The following NT5M variants were observed in gnomAD, a reference collection of about 807,000 sequenced individuals.
NT5M encodes the protein 5',3'-nucleotidase, mitochondrial, also known as 5'(3')-deoxyribonucleotidase, mitochondrial.
Under a neutral mutation model 22.2 loss-of-function variants are expected in NT5M, and 22 were observed. The observed-to-expected ratio is 0.99, with a 90% CI of 0.71 to 1.41. NT5M has a LOEUF of 1.41. NT5M is among the 40% of genes most tolerant of loss of function. NT5M has a pLI of 0.00. For synonymous variants in NT5M, 167 were observed against 133.0 expected, an observed-to-expected ratio of 1.26 and a Z score of -1.76; for missense variants, 322 against 314.8, an observed-to-expected ratio of 1.02 and a Z score of -0.17.
chr17:17,337,875 T>C (rs112643690), intron 3 of NT5M, among the ~76,000 whole-genome samples: 19 of 152,364 alleles, frequency 1.2e-4, no homozygotes, highest in African/African-American at 4.3e-4. Flanking sequence ...TTGTTGACTG[T>C]ATCCTTTGCT....
rs964826500 is a variant in NT5M, at chr17:17,338,831, G to A, written c.430-5963G>A. ...AAGCTCCACCTCCCAGGTTCACACC[G>A]TTCTCCTGCCTCAGCCTCCCAAGTA... On this transcript the variant is annotated intron_variant, in intron 3 of 4. Transcript: ENST00000389022. Among the ~76,000 whole-genome samples the A allele has an allele frequency of 2.3e-4, 34 of 148,054 alleles. No homozygotes were observed. The East Asian group carries it at 5.6e-3, about 25-fold the overall frequency.
chr17:17,320,797 G>A (rs2049135555), intron 2 of NT5M, among the ~76,000 whole-genome samples: 1 of 152,206 alleles, frequency 6.6e-6, no homozygotes, highest in African/African-American at 2.4e-5. Context: ...GCGAGGATCA[G>A]GAGGCCAGGA....
chr17:17,306,755 T>TG, intron 2 of NT5M, 112 bp downstream of exon 2: 1 of 751,802 alleles, frequency 1.3e-6, no homozygotes, highest in Middle Eastern at 3.4e-4. Context: ...TCCTTGGCCC[T>TG]GCGCAAGGCT....
chr17:17,316,936 G>A (rs1303348704), intron 2 of NT5M, among the ~76,000 whole-genome samples: 7 of 146,504 alleles, frequency 4.8e-5, no homozygotes, highest in East Asian at 2.1e-4. Context: ...GGATGGTCTC[G>A]ATCTCCTGAC....
At chr17:17,326,860 C>T (rs2049278320) in intron 3 of NT5M, among the ~76,000 whole-genome samples, 4 of 152,322 alleles carry the variant, frequency 2.6e-5, no homozygotes, top group Non-Finnish European at 5.9e-5. Context: ...TCTACAATCC[C>T]ACCACCTGGA....
chr17:17,325,332 A>AGACCC (rs2049243098), intron 3 of NT5M, among the ~76,000 whole-genome samples: 1 of 152,048 alleles, frequency 6.6e-6, no homozygotes, highest in African/African-American at 2.4e-5. Flanking sequence ...CCAGACACTC[A>AGACCC]GACCCGATGT....
At chr17:17,346,629 G>T (rs910744686) in intron 4 of NT5M, among the ~76,000 whole-genome samples, 176 bp from the exon 5 acceptor site, 4 of 152,220 alleles carry the variant, frequency 2.6e-5, no homozygotes, top group African/African-American at 9.6e-5. Context: ...CCTCCTTGCC[G>T]CATCTCGTGC....
intron 3 of NT5M, among the ~76,000 whole-genome samples, chr17:17,335,096 G>GTT (rs942207577): frequency 1.1e-4 from 16 of 141,854 alleles, no homozygotes; most frequent in South Asian, 2.2e-4. Context: ...TCTATTTCAT[G>GTT]TTTTTTTTTT....
chr17:17,314,339 A>G (rs1186817285), intron 2 of NT5M, among the ~76,000 whole-genome samples: 2 of 152,044 alleles, frequency 1.3e-5, no homozygotes, highest in Non-Finnish European at 2.9e-5. Flanking sequence ...CCGGCCGAAT[A>G]TATTCTTATA....
intron 2 of NT5M, among the ~76,000 whole-genome samples, chr17:17,319,548 G>A (rs1209421051): frequency 6.6e-6 from 1 of 152,156 alleles, no homozygotes; most frequent in African/African-American, 2.4e-5. Context: ...ACACACTGTT[G>A]ATACATTTAT....
intron 2 of NT5M, among the ~76,000 whole-genome samples, chr17:17,311,678 C>A (rs2048925165): frequency 6.6e-6 from 1 of 152,092 alleles, no homozygotes; most frequent in South Asian, 2.1e-4. Context: ...TAAAAATTGT[C>A]AACTTTTAAA....
chr17:17,318,351 G>C (rs997839721), intron 2 of NT5M, among the ~76,000 whole-genome samples: 1 of 151,792 alleles, frequency 6.6e-6, no homozygotes, highest in African/African-American at 2.4e-5. Context: ...TTGGTGGCAG[G>C]CACCTGTAAT....
At chr17:17,315,545 T>C (rs6502579) in intron 2 of NT5M, among the ~76,000 whole-genome samples, 37,599 of 151,896 alleles carry the variant, frequency 0.25, 6,187 homozygotes, top group African/African-American at 0.46. Flanking sequence ...TAAGAATGAA[T>C]GGGCCAGTGA....
intron 2 of NT5M, among the ~76,000 whole-genome samples, chr17:17,312,537 G>A (rs538560614): frequency 9.2e-5 from 14 of 151,780 alleles, no homozygotes; most frequent in South Asian, 4.2e-4. Context: ...CCAGCTACTC[G>A]GGAGGCTGAG....
intron 2 of NT5M, among the ~76,000 whole-genome samples, chr17:17,314,463 T>C (rs1017218421): frequency 2.6e-5 from 4 of 152,178 alleles, no homozygotes; most frequent in Non-Finnish European, 5.9e-5. Flanking sequence ...TGTGTATGCT[T>C]CCAGACCTTT....
rs2049623292 is a variant in NT5M, at chr17:17,340,713, G to C, written c.430-4081G>C. Among the ~76,000 whole-genome samples, 5 of 151,960 alleles carry C rather than the reference G, an allele frequency of 3.3e-5. No individual in the cohort carries two copies. The South Asian group carries it at 1.0e-3, about 32-fold the overall frequency. ...AGCTTATTTTTGTTTTTTTAGTAGA[G>C]ATGGGGTTTCACCATGTTGGCCAGG... On this transcript the variant is annotated intron_variant, in intron 3 of 4. Transcript: ENST00000389022.
chr17:17,343,911 T>C (rs1462340920), intron 3 of NT5M, among the ~76,000 whole-genome samples: 1 of 152,132 alleles, frequency 6.6e-6, no homozygotes, highest in Admixed American at 6.5e-5. Flanking sequence ...TTAGGGTGCC[T>C]GGGGCCCATG....
In NT5M at chr17:17,303,616, CG is replaced by C; in HGVS notation, c.70del (p.Ala24ArgfsTer65). 7.8e-7 allele frequency: 1 copy of C among 1,280,238 alleles called. No individual in the cohort carries two copies. Among genetic ancestry groups the C allele is most frequent in the South Asian group, 2.9e-5 (1 of 34,870 alleles). 79.3% of individuals were successfully genotyped at this position (1,280,238 alleles called of 1,614,324 possible). A position where few individuals can be genotyped will look rare whatever the true frequency, so the allele number is the denominator to read the frequency against. On this transcript the variant is annotated frameshift_variant, in exon 1 of 5. Coordinates refer to ENST00000389022, the MANE Select transcript of NT5M (RefSeq NM_020201.4). LOFTEE classifies it high-confidence loss of function. ...CSAAVPAGRR[G>X]AAGGLGLAGG... ...GCGCGGCGGTTCCCGCGGGGCGGCG[CG>C]GGGCGGCGGGCGGGCTGGGCCTGGC... is the stretch of plus-strand genomic sequence containing the variant.
chr17:17,328,240 C>G (rs1019138623), intron 3 of NT5M, among the ~76,000 whole-genome samples: 1 of 152,100 alleles, frequency 6.6e-6, no homozygotes, highest in Non-Finnish European at 1.5e-5. Flanking sequence ...TTGAGGAATT[C>G]AGGGTGAATT....
Sources: gnomAD v4.1 joint callset for allele counts (sites outside exome capture counted in the v4.1 genomes callset) on GRCh38, gnomAD v4.1.1 for gene constraint, MANE v1.5 for transcripts, NCBI Gene and HGNC (gene_info 2026-07-23, HGNC 2026-07-21) for gene names.